Variants in GLRA1 observed in about 807,000 individuals in gnomAD.
The protein encoded by GLRA1 is glycine receptor subunit alpha-1.
In GLRA1, 37 loss-of-function variants were observed where a neutral mutation model predicts 48.3. The ratio of observed to expected loss-of-function variants is 0.77; its 90% CI spans 0.59 to 1.01. The LOEUF is 1.01. Ranked by LOEUF, GLRA1 falls within the 50% of genes least tolerant of loss-of-function variation. GLRA1 has a pLI of 0.00. For synonymous variants in GLRA1, 196 were observed against 210.7 expected (o/e 0.93, Z 0.60); for missense variants, 427 against 571.0 (o/e 0.75, Z 2.57).
chr5:151,907,443 G>T (rs780000606), intron 1 of GLRA1, among the ~76,000 whole-genome samples: 1 of 152,172 alleles, frequency 6.6e-6, no homozygotes, highest in Non-Finnish European at 1.5e-5. Flanking sequence ...CAAATGACAG[G>T]TTGGACTTTA....
chr5:151,880,180 T>C (rs530291395), intron 3 of GLRA1, among the ~76,000 whole-genome samples: 17 of 152,318 alleles, frequency 1.1e-4, no homozygotes, highest in Admixed American at 1.3e-4. Flanking sequence ...AGTGTGAAAA[T>C]GGACTAATGC....
chr5:151,850,229 T>C, intron 7 of GLRA1: 1 of 1,604,472 alleles, frequency 6.2e-7, no homozygotes, highest in South Asian at 1.1e-5. Context: ...CCTGCTTGTA[T>C]GCTGGAGCCA....
chr5:151,893,029 T>C (rs570700513), intron 1 of GLRA1, among the ~76,000 whole-genome samples: 2 of 152,296 alleles, frequency 1.3e-5, no homozygotes, highest in South Asian at 2.1e-4. Context: ...AAGAAACATA[T>C]ACTTCACAAA....
chr5:151,843,190 T>A (rs1010887484), intron 7 of GLRA1, among the ~76,000 whole-genome samples: 1 of 151,768 alleles, frequency 6.6e-6, no homozygotes. Flanking sequence ...GTCCATGGAG[T>A]CAATGCATTC....
At chr5:151,903,157 A>T (rs1029915924) in intron 1 of GLRA1, among the ~76,000 whole-genome samples, 1 of 152,242 alleles carries the variant, frequency 6.6e-6, no homozygotes, top group African/African-American at 2.4e-5. Flanking sequence ...CAGAGTTTTC[A>T]TAGGAGTGGA....
intron 4 of GLRA1, 82 bp from the exon 5 acceptor site, chr5:151,856,465 T>C: frequency 1.1e-6 from 1 of 918,614 alleles, no homozygotes; most frequent in East Asian, 2.5e-5. Flanking sequence ...TGTTAGAAAA[T>C]CAGTTGCCCA....
intron 3 of GLRA1, among the ~76,000 whole-genome samples, chr5:151,871,627 C>G (rs1238279822): frequency 1.4e-5 from 2 of 147,392 alleles, no homozygotes; most frequent in South Asian, 4.3e-4. Flanking sequence ...GTGGCACGAT[C>G]TCGGCTCACT....
At chr5:151,923,094 C>G (rs1474594981) in intron 1 of GLRA1, among the ~76,000 whole-genome samples, 1 of 149,530 alleles carries the variant, frequency 6.7e-6, no homozygotes, top group Non-Finnish European at 1.5e-5. Context: ...CTATCTGACT[C>G]TCTGACTATT....
At chr5:151,841,128 T>C (rs1763703983) in intron 7 of GLRA1, among the ~76,000 whole-genome samples, 1 of 152,094 alleles carries the variant, frequency 6.6e-6, no homozygotes, top group Non-Finnish European at 1.5e-5. Flanking sequence ...CATACTATTA[T>C]GCATAAAACA....
intron 2 of GLRA1, among the ~76,000 whole-genome samples, chr5:151,888,460 G>A (rs543171995): frequency 3.7e-4 from 57 of 152,218 alleles, no homozygotes; most frequent in African/African-American, 1.2e-3. Context: ...TGATCTAGGC[G>A]GTCATTCTCA....
intron 1 of GLRA1, among the ~76,000 whole-genome samples, chr5:151,896,177 A>T (rs1754223105): frequency 6.6e-6 from 1 of 152,188 alleles, no homozygotes; most frequent in Non-Finnish European, 1.5e-5. Context: ...TCTTCTGGTT[A>T]TTCTAACTTG....
In GLRA1 at chr5:151,886,749, C is replaced by T. The variant is rs764704401; in HGVS notation, c.224G>A (p.Ser75Asn). The T allele has an allele frequency of 1.2e-6, 2 of 1,613,516 alleles. No individual in the cohort carries two copies. The highest frequency in any genetic ancestry group is 1.7e-6 in the Non-Finnish European group (2 of 1,179,434). Residue 75 changes from serine (S) to asparagine (N), a missense_variant, in exon 3 of 9, where the codon AGC becomes AAC. Ser to Asn is a conservative substitution (Grantham distance 46, BLOSUM62 1). Around this residue, in one of 4 missense-constraint regions of GLRA1, gnomAD observed 271 missense variants for 434.9 expected, o/e 0.62. Transcript: ENST00000274576. ...GGTTGTCTCAGCAATGGAACCAAAG[C>T]TGTTGATGAAAATGTTGCAGCTCAC... ...VNVSCNIFIN[S>N]FGSIAETTMD...
intron 1 of GLRA1, among the ~76,000 whole-genome samples, chr5:151,915,925 C>T (rs1010719119): frequency 6.7e-5 from 10 of 149,648 alleles, no homozygotes; most frequent in Non-Finnish European, 1.4e-4. Flanking sequence ...GAACAAGGCT[C>T]TGTCAAACCA....
chr5:151,866,213 TTGA>T (rs548871784), intron 3 of GLRA1, among the ~76,000 whole-genome samples: 203 of 152,340 alleles, frequency 1.3e-3, no homozygotes, highest in African/African-American at 4.4e-3. Flanking sequence ...CTCAGATTCC[TTGA>T]TGATCTAATT....
At chr5:151,841,362 T>C (rs1763710483) in intron 7 of GLRA1, among the ~76,000 whole-genome samples, 1 of 151,986 alleles carries the variant, frequency 6.6e-6, no homozygotes, top group African/African-American at 2.4e-5. Context: ...TAGAGGGAAG[T>C]GTATAACTGT....
At chr5:151,854,646 A>T (rs1752989347) in intron 6 of GLRA1, among the ~76,000 whole-genome samples, 1 of 152,210 alleles carries the variant, frequency 6.6e-6, no homozygotes, top group Non-Finnish European at 1.5e-5. Context: ...ACCTTCAGTG[A>T]CACCTCTCAG....
rs780795063 is a variant in GLRA1 at position 151,856,318 on chromosome 5, A to T, written c.542T>A (p.Ile181Asn). ...KNFPMDVQTC[I>N]MQLESFGYTM... ...ACACTCACAGCTTTCCAGTTGCATGATACATGTCTGGACATCCATGGGGAA... is the reference window on the plus strand; with the variant it reads ...ACACTCACAGCTTTCCAGTTGCATGTTACATGTCTGGACATCCATGGGGAA... Residue 181 changes from isoleucine to asparagine, a missense_variant, in exon 5 of 9, where the codon ATC becomes AAC. By Grantham distance (149) the Ile-to-Asn change is moderately radical (BLOSUM62 -3). This residue lies in a region of GLRA1 where 271 missense variants were observed against 434.9 expected (regional missense o/e 0.62). Transcript: ENST00000274576. The T allele has an allele frequency of 6.8e-6, 11 of 1,610,870 alleles. No homozygotes were observed. Among genetic ancestry groups the T allele is most frequent in the Admixed American group, 3.3e-5 (2 of 59,954 alleles).
rs757336792 is a variant in GLRA1 at position 151,833,796 on chromosome 5, C to CAAAAAAAAA, written c.913-4738_913-4730dup. 3.1e-3 allele frequency among the ~76,000 whole-genome samples: 203 copies of CAAAAAAAAA among 64,702 alleles called. 4 individuals carry two copies. The highest frequency in any genetic ancestry group is 3.8e-3 in the Non-Finnish European group (133 of 35,380). The allele number at this position is 64,702 out of a possible 152,430, so 42.4% of individuals were successfully genotyped here. ...GGATATTTACCAAGGAAGTGGAAAGCAAAAAAAAAAAAAAAAAAAGCAGGG... is the reference window on the plus strand; with the variant it reads ...GGATATTTACCAAGGAAGTGGAAAGCAAAAAAAAAAAAAAAAAAAAAAAAAAAAGCAGGG... On this transcript the variant is annotated intron_variant, in intron 7 of 8. Transcript: ENST00000274576.
intron 1 of GLRA1, among the ~76,000 whole-genome samples, chr5:151,894,200 G>A (rs1351401271): frequency 2.0e-5 from 3 of 152,018 alleles, no homozygotes; most frequent in Admixed American, 6.6e-5. Flanking sequence ...GTCATGCAGC[G>A]CATAATGTTC....
Sources: gnomAD v4.1 joint callset for allele counts (sites outside exome capture counted in the v4.1 genomes callset) on GRCh38, gnomAD v4.1.1 for gene constraint, gnomAD v4.1.1 regional missense constraint, MANE v1.5 for transcripts, NCBI Gene and HGNC (gene_info 2026-07-23, HGNC 2026-07-21) for gene names.